The following ST3GAL4 variants were observed in gnomAD, a reference collection of about 807,000 sequenced individuals.
ST3GAL4 encodes CMP-N-acetylneuraminate-beta-galactosamide-alpha-2,3-sialyltransferase 4.
Under a neutral mutation model 42.6 loss-of-function variants are expected in ST3GAL4, and 24 were observed. The ratio of observed to expected loss-of-function variants is 0.56; its 90% confidence interval spans 0.41 to 0.79. ST3GAL4 has a LOEUF of 0.79. Among genes scored for constraint, ST3GAL4 ranks in the 30% least tolerant of loss-of-function variants. The pLI is 0.00. For missense variants in ST3GAL4, 311 were observed against 430.8 expected (o/e 0.72, Z 2.46); for synonymous variants, 135 against 163.2 (o/e 0.83, Z 1.32).
chr11:126,409,808 G>C lies in ST3GAL4; in HGVS notation c.771+397G>C, dbSNP rs536094457. ...CTTATCTTGAAACACTAGTCTGAAC[G>C]AGTTATAAGAGTTGGAGCTAAACAG... On this transcript the variant is annotated intron_variant, in intron 9 of 10. Coordinates refer to ENST00000444328, the MANE Select transcript of ST3GAL4 (RefSeq NM_001254757.2). This position sits in a 1 kb window ranked among gnomAD's most constrained non-coding sequence, Gnocchi z 4.9. 6.6e-6 allele frequency among the ~76,000 whole-genome samples: 1 copy of C among 152,314 alleles called. No homozygotes were observed. The highest frequency in any genetic ancestry group is 2.1e-4 in the South Asian group (1 of 4,824).
Position 126,391,934 on chromosome 11 carries a change from G to A in ST3GAL4, c.-60-14162G>A, listed in dbSNP as rs1358653668. 1.6e-5 allele frequency among the ~76,000 whole-genome samples: 2 copies of A among 128,224 alleles called. No individual in the cohort carries two copies. The highest frequency in any genetic ancestry group is 3.2e-5 in the African/African-American group (1 of 31,162). 84.1% of individuals were successfully genotyped at this position (128,224 alleles called of 152,430 possible). A position where few individuals can be genotyped will look rare whatever the true frequency, so the allele number is the denominator to read the frequency against. ...GGCTCAGAACACCTGTGATAACTTG[G>A]TCGTGTGTGTGTGTGTGTGTGTGTG... On this transcript the variant is annotated intron_variant, in intron 1 of 10. Transcript: ENST00000444328. The surrounding 1 kb of genome is among the most constrained non-coding windows in gnomAD (Gnocchi z 5.5).
rs1222384531 is a variant in ST3GAL4, at chr11:126,386,151, A to C, written c.-60-19945A>C. ...GCCTCCGGTTTATAGCCGGCTCCTC[A>C]GAGACATGGTTCTATCCCCCCAGTG... On this transcript the variant is annotated intron_variant, in intron 1 of 10. Transcript: ENST00000444328. The surrounding 1 kb of genome is among the most constrained non-coding windows in gnomAD (Gnocchi z 4.7). 6.6e-6 allele frequency among the ~76,000 whole-genome samples: 1 copy of C among 152,068 alleles called. No individual in the cohort carries two copies. The highest frequency in any genetic ancestry group is 6.5e-5 in the Admixed American group (1 of 15,286).
chr11:126,374,277 C>T (rs1260771977), intron 1 of ST3GAL4, among the ~76,000 whole-genome samples: 2 of 151,714 alleles, frequency 1.3e-5, no homozygotes, highest in African/African-American at 2.4e-5. Context: ...CATGGGGAAA[C>T]CCCGTTCCTA....
rs2135435847 is a variant in ST3GAL4 at position 126,379,563 on chromosome 11, C to T, written c.-61+23721C>T. Among the ~76,000 whole-genome samples, 1 of 152,200 alleles carries T rather than the reference C, an allele frequency of 6.6e-6. No individual in the cohort carries two copies. The highest frequency in any genetic ancestry group is 2.4e-5 in the African/African-American group (1 of 41,530). On this transcript the variant is annotated intron_variant, in intron 1 of 10. Transcript: ENST00000444328. The surrounding 1 kb of genome is among the most constrained non-coding windows in gnomAD (Gnocchi z 4.2). ...CACGATCTTGGCTCACTGCAACCTC[C>T]ACCTCCCGGGTTCAAGTAATTCTCC...
In ST3GAL4 at chr11:126,391,936, C is replaced by T. The variant is rs74514466; in HGVS notation, c.-60-14160C>T. Among the ~76,000 whole-genome samples, 2,379 of 144,472 alleles carry T rather than the reference C, an allele frequency of 0.016. 74 individuals carry two copies. Among genetic ancestry groups the T allele is most frequent in the African/African-American group, 0.058 (2,202 of 38,210 alleles). The allele number at this position is 144,472 out of a possible 152,430, so 94.8% of individuals were successfully genotyped here. A position where few individuals can be genotyped will look rare whatever the true frequency, so the allele number is the denominator to read the frequency against. On this transcript the variant is annotated intron_variant, in intron 1 of 10. Coordinates refer to ENST00000444328, the MANE Select transcript of ST3GAL4 (RefSeq NM_001254757.2). This position sits in a 1 kb window ranked among gnomAD's most constrained non-coding sequence, Gnocchi z 5.5. ...CTCAGAACACCTGTGATAACTTGGT[C>T]GTGTGTGTGTGTGTGTGTGTGTGTG...
chr11:126,392,784 A>G lies in ST3GAL4; in HGVS notation c.-60-13312A>G, dbSNP rs375018456. On this transcript the variant is annotated intron_variant, in intron 1 of 10. Transcript: ENST00000444328. The surrounding 1 kb of genome is among the most constrained non-coding windows in gnomAD (Gnocchi z 5.8). Reference sequence around the variant, plus strand: ...GCCACAAAGTTAATAAAGCAGCATGATGTGACAGAGCTGGATGTGGGGGAG... The same window carrying G: ...GCCACAAAGTTAATAAAGCAGCATGGTGTGACAGAGCTGGATGTGGGGGAG... Among the ~76,000 whole-genome samples, 11 of 152,130 alleles carry G rather than the reference A, an allele frequency of 7.2e-5. No homozygotes were observed. Among genetic ancestry groups the G allele is most frequent in the Middle Eastern group, 3.2e-3 (1 of 316 alleles).
chr11:126,360,878 C>A (rs1170059479), intron 1 of ST3GAL4, among the ~76,000 whole-genome samples: 2 of 152,244 alleles, frequency 1.3e-5, no homozygotes, highest in African/African-American at 4.8e-5. Flanking sequence ...GCTTCCTCCT[C>A]CCAGGGCAAA....
Position 126,379,360 on chromosome 11 carries a change from A to G in ST3GAL4, c.-61+23518A>G, listed in dbSNP as rs1200024551. ...ACAAAACAAAAACAAGTCTGAGTCA[A>G]TAGAAGGGGGCCACATGGAGTCTTG... On this transcript the variant is annotated intron_variant, in intron 1 of 10. Transcript: ENST00000444328. This position sits in a 1 kb window ranked among gnomAD's most constrained non-coding sequence, Gnocchi z 4.2. Among the ~76,000 whole-genome samples the G allele has an allele frequency of 6.6e-6, 1 of 152,230 alleles. No homozygotes were observed. Among genetic ancestry groups the G allele is most frequent in the African/African-American group, 2.4e-5 (1 of 41,466 alleles).
chr11:126,407,244 CTG>C lies in ST3GAL4; in HGVS notation c.183-5_183-4del, dbSNP rs1565424836. On this transcript the variant is annotated splice_polypyrimidine_tract_variant and splice_region_variant and intron_variant, in intron 4 of 10. Coordinates refer to ENST00000444328, the MANE Select transcript of ST3GAL4 (RefSeq NM_001254757.2). Reference sequence around the variant, plus strand: ...TCTCATCCCCACCCGGCTTTCACCTCTGTGCAGCTACTCCCGGGATCAGCCCA... The same window carrying C: ...TCTCATCCCCACCCGGCTTTCACCTCTGCAGCTACTCCCGGGATCAGCCCA... 5 of 1,614,120 alleles carry C rather than the reference CTG, an allele frequency of 3.1e-6. No individual in the cohort carries two copies. Among genetic ancestry groups the C allele is most frequent in the South Asian group, 1.1e-5 (1 of 91,086 alleles).
intron 1 of ST3GAL4, among the ~76,000 whole-genome samples, chr11:126,364,327 G>A (rs1217482587): frequency 6.7e-6 from 1 of 149,492 alleles, no homozygotes; most frequent in Non-Finnish European, 1.5e-5. Flanking sequence ...ACCGGGAGGA[G>A]AGGGCAGGAG....
chr11:126,409,152 C>T lies in ST3GAL4; in HGVS notation c.628-116C>T. ...CCTCCCTTTCCTCTCACCTTGTGCT[C>T]CTGAAGGCCTCTGCCATCGCTTGGA... On this transcript the variant is annotated intron_variant, in intron 8 of 10. Coordinates refer to ENST00000444328, the MANE Select transcript of ST3GAL4 (RefSeq NM_001254757.2). The surrounding 1 kb of genome is among the most constrained non-coding windows in gnomAD (Gnocchi z 4.9). The T allele has an allele frequency of 7.6e-7, 1 of 1,313,472 alleles. No individual in the cohort carries two copies. The highest frequency in any genetic ancestry group is 1.9e-5 in the Admixed American group (1 of 53,244). The allele number at this position is 1,313,472 out of a possible 1,614,324, so 81.4% of individuals were successfully genotyped here.
chr11:126,368,111 A>T (rs1695738), intron 1 of ST3GAL4, among the ~76,000 whole-genome samples: 1 of 150,898 alleles, frequency 6.6e-6, no homozygotes, highest in Non-Finnish European at 1.5e-5. Context: ...CACGCCACTG[A>T]ACTCCAGTCT....
rs1954631688 is a variant in ST3GAL4, at chr11:126,413,816, A to G, written c.916-145A>G. 4.3e-6 allele frequency: 6 copies of G among 1,382,832 alleles called. No individual in the cohort carries two copies. The East Asian group carries it at 1.2e-4, about 28-fold the overall frequency. 85.7% of individuals were successfully genotyped at this position (1,382,832 alleles called of 1,614,324 possible). ...GCCAGCATCCTCCATGTTCAGCCACATGGGCTTTGTCTTCCTTCCAAGAGC... is the reference window on the plus strand; with the variant it reads ...GCCAGCATCCTCCATGTTCAGCCACGTGGGCTTTGTCTTCCTTCCAAGAGC... On this transcript the variant is annotated intron_variant, in intron 10 of 10. Transcript: ENST00000444328.
Position 126,406,572 on chromosome 11 carries a change from C to T in ST3GAL4, c.101+15C>T. The T allele has an allele frequency of 6.2e-7, 1 of 1,614,142 alleles. No homozygotes were observed. The highest frequency in any genetic ancestry group is 8.5e-7 in the Non-Finnish European group (1 of 1,180,010). On this transcript the variant is annotated intron_variant, in intron 3 of 10. Transcript: ENST00000444328. The surrounding 1 kb of genome is among the most constrained non-coding windows in gnomAD (Gnocchi z 5.4). ...TACATCGAGCTGTGAGTTCACCTTC[C>T]ATGTCCTTCCAGTGGCTCTTGTCAG...
At chr11:126,395,119 G>A (rs1953690973) in intron 1 of ST3GAL4, among the ~76,000 whole-genome samples, 1 of 152,184 alleles carries the variant, frequency 6.6e-6, no homozygotes, top group African/African-American at 2.4e-5. Context: ...TGCCACAGGG[G>A]CCAGAAGATA....
In ST3GAL4 at chr11:126,414,015, A is replaced by T. The variant is rs988504380; in HGVS notation, c.970A>T (p.Met324Leu). The T allele has an allele frequency of 5.6e-6, 9 of 1,614,176 alleles. No individual in the cohort carries two copies. The highest frequency in any genetic ancestry group is 3.3e-4 in the Middle Eastern group (2 of 6,062). Residue 324 changes from methionine (M) to leucine (L), a missense_variant, in exon 11 of 11, where the codon ATG becomes TTG. Coordinates refer to ENST00000444328, the MANE Select transcript of ST3GAL4 (RefSeq NM_001254757.2). The part of the protein sequence containing the change: ...EALAIKRMLE[M>L]GAIKNLTSF ...CCTGGCCATTAAGCGGATGCTGGAGATGGGAGCTATCAAGAACCTCACGTC... is the reference window on the plus strand; with the variant it reads ...CCTGGCCATTAAGCGGATGCTGGAGTTGGGAGCTATCAAGAACCTCACGTC...
At position 126,411,618 on chromosome 11, in the gene ST3GAL4, G is replaced by A. The variant is rs1368192469; in HGVS notation, c.772-1887G>A. Among the ~76,000 whole-genome samples, 1 of 152,166 alleles carries A rather than the reference G, an allele frequency of 6.6e-6. No individual in the cohort carries two copies. Among genetic ancestry groups the A allele is most frequent in the African/African-American group, 2.4e-5 (1 of 41,446 alleles). On this transcript the variant is annotated intron_variant, in intron 9 of 10. Coordinates refer to ENST00000444328, the MANE Select transcript of ST3GAL4 (RefSeq NM_001254757.2). This position sits in a 1 kb window ranked among gnomAD's most constrained non-coding sequence, Gnocchi z 6.3. ...GACAGTTCTCATCTGGAAGCTTGGG[G>A]GAAAATTTTGCTTCCAGGCTCATTC...
intron 1 of ST3GAL4, among the ~76,000 whole-genome samples, chr11:126,360,254 T>C (rs1182288068): frequency 6.6e-6 from 1 of 152,194 alleles, no homozygotes; most frequent in African/African-American, 2.4e-5. Context: ...AGGGAAGTCA[T>C]GCAAGGGACT....
intron 1 of ST3GAL4, among the ~76,000 whole-genome samples, chr11:126,389,638 G>T (rs1019476284): frequency 6.6e-6 from 1 of 152,060 alleles, no homozygotes; most frequent in Admixed American, 6.6e-5. Context: ...ATCATAGCTC[G>T]CTGCAACCTC....
Sources: allele counts gnomAD v4.1 joint callset (sites outside exome capture counted in the v4.1 genomes callset), GRCh38; gene constraint gnomAD v4.1.1; non-coding constraint Gnocchi (gnomAD v3.1); transcripts MANE v1.5; gene names NCBI Gene and HGNC (gene_info 2026-07-23, HGNC 2026-07-21).